GALNT15: variants seen among roughly 807,000 people sequenced by gnomAD.
GALNT15 encodes polypeptide N-acetylgalactosaminyltransferase 15.
GALNT15 carries 67 observed loss-of-function variants against 66.8 expected under a neutral mutation model. The ratio of observed to expected loss-of-function variants is 1.00; its 90% CI spans 0.82 to 1.23. GALNT15 has a LOEUF of 1.23. Among genes scored for constraint, GALNT15 ranks in the 50% most tolerant of loss-of-function variants. The pLI is 0.00. For missense variants in GALNT15, 827 were observed against 804.3 expected (o/e 1.03, Z -0.34); for synonymous variants, 313 against 311.5 (o/e 1.00, Z -0.05).
the GALNT15 span, among the ~76,000 whole-genome samples, chr3:16,240,463 C>T: frequency 6.6e-6 from 1 of 152,140 alleles, no homozygotes; most frequent in Non-Finnish European, 1.5e-5. Flanking sequence ...TATGGACTCC[C>T]TGGTTTCTGG....
Position 16,228,994 on chromosome 3 carries a change from G to A in GALNT15, c.*1494G>A, listed in dbSNP as rs866502545. 13 of 985,282 alleles carry A rather than the reference G, an allele frequency of 1.3e-5. No homozygotes were observed. In the South Asian group the frequency reaches 1.9e-4, roughly 14 times the overall value. 61.0% of individuals were successfully genotyped at this position (985,282 alleles called of 1,614,324 possible). On this transcript the variant is annotated 3_prime_UTR_variant, in exon 10 of 10. Coordinates refer to ENST00000339732, the MANE Select transcript of GALNT15 (RefSeq NM_054110.5). The stretch of plus-strand genomic sequence containing the variant: ...ACCTGAATTAGCTGTAAGAGTTGCC[G>A]AATGGGATGGGTTCTGCTATTTAAT...
At chr3:16,218,118 A>C (rs970571042) in intron 6 of GALNT15, among the ~76,000 whole-genome samples, 1 of 152,228 alleles carries the variant, frequency 6.6e-6, no homozygotes, top group African/African-American at 2.4e-5. Flanking sequence ...GCTCCGTGGC[A>C]TTTCTCAGGC....
chr3:16,234,943 G>T (rs1996219), downstream of GALNT15, among the ~76,000 whole-genome samples: 11,851 of 78,402 alleles, frequency 0.15, 326 homozygotes, highest in Admixed American at 0.17. Flanking sequence ...TTTTTTTTTT[G>T]TTGGAGTCTC....
At position 16,175,100 on chromosome 3, in the gene GALNT15, G is replaced by A. The variant is rs200281914; in HGVS notation, c.-52G>A. The stretch of plus-strand genomic sequence containing the variant: ...CTGCAAGCTTGAAGGAGCCTGGAGC[G>A]GGAGAAAGCTAACTTGAACATGACC... On this transcript the variant is annotated 5_prime_UTR_variant, in exon 1 of 10. Coordinates refer to ENST00000339732, the MANE Select transcript of GALNT15 (RefSeq NM_054110.5). This position sits in a 1 kb window ranked among gnomAD's most constrained non-coding sequence, Gnocchi z 5.6. 417 of 1,543,132 alleles carry A rather than the reference G, an allele frequency of 2.7e-4. 1 individual carries two copies. Among genetic ancestry groups the A allele is most frequent in the Admixed American group, 3.9e-4 (22 of 56,608 alleles).
chr3:16,227,490 A>T lies in GALNT15; in HGVS notation c.1910A>T (p.Asp637Val). The T allele has an allele frequency of 6.2e-7, 1 of 1,614,196 alleles. No homozygotes were observed. Among genetic ancestry groups the T allele is most frequent in the Non-Finnish European group, 8.5e-7 (1 of 1,180,028 alleles). The change falls in exon 10 of 10, where the codon GAT becomes GTT. Residue 637 changes from aspartate to valine, a missense_variant. Physicochemically the swap from Asp to Val is radical, Grantham distance 152. Transcript: ENST00000339732. The surrounding 1 kb of genome is among the most constrained non-coding windows in gnomAD (Gnocchi z 4.5). ...CGTTTTGACCAGATCAATGCTGTGG[A>T]TGAACGATGAATGTCAATGTCAGAA... ...QWRFDQINAV[D>V]ER is the part of the protein sequence containing the mutation.
rs1205040723 is a variant in GALNT15 at position 16,182,065 on chromosome 3, TG to T, written c.539+6380del. Among the ~76,000 whole-genome samples, 1 of 152,148 alleles carries T rather than the reference TG, an allele frequency of 6.6e-6. No homozygotes were observed. Among genetic ancestry groups the T allele is most frequent in the Non-Finnish European group, 1.5e-5 (1 of 68,018 alleles). ...ACTTCAGGACAAACCCAGCTGGCCT[TG>T]GGGGTTAGATTAGATGTGGTTAATC... On this transcript the variant is annotated intron_variant, in intron 1 of 9. Coordinates refer to ENST00000339732, the MANE Select transcript of GALNT15 (RefSeq NM_054110.5). This position sits in a 1 kb window ranked among gnomAD's most constrained non-coding sequence, Gnocchi z 6.1.
chr3:16,199,686 G>GAGA (rs2063678261), intron 2 of GALNT15, among the ~76,000 whole-genome samples: 1 of 97,312 alleles, frequency 1.0e-5, no homozygotes, highest in African/African-American at 3.8e-5. Context: ...GCCATAGCCT[G>GAGA]ATCCCATGGG....
chr3:16,222,684 C>A lies in GALNT15; in HGVS notation c.1699C>A (p.Gln567Lys). 1 of 1,614,230 alleles carries A rather than the reference C, an allele frequency of 6.2e-7. No individual in the cohort carries two copies. The highest frequency in any genetic ancestry group is 8.5e-7 in the Non-Finnish European group (1 of 1,180,042). The change falls in exon 9 of 10, where the codon CAG becomes AAG. Residue 567 changes from glutamine to lysine, a missense_variant. Gln to Lys is a moderately conservative substitution (Grantham distance 53). Transcript: ENST00000339732. ...ACAGCACCTGTGCTTTGCTGTCAGG[C>A]AGGAGCAGGTGATTCTTCAGAACTG... is the stretch of plus-strand genomic sequence containing the variant. ...SPQHLCFAVR[Q>K]EQVILQNCTE...
At chr3:16,248,134 C>T in the GALNT15 span, among the ~76,000 whole-genome samples, 2 of 152,142 alleles carry the variant, frequency 1.3e-5, no homozygotes, top group Admixed American at 6.5e-5. The surrounding 1 kb of genome is among the most constrained non-coding windows in gnomAD (Gnocchi z 4.9). Context: ...TTCACTGCCT[C>T]CCTCCCCCGC....
the GALNT15 span, among the ~76,000 whole-genome samples, chr3:16,248,123 G>A: frequency 1.3e-5 from 2 of 152,140 alleles, no homozygotes; most frequent in Non-Finnish European, 2.9e-5. This position sits in a 1 kb window ranked among gnomAD's most constrained non-coding sequence, Gnocchi z 4.9. Flanking sequence ...TCAAGCTACT[G>A]TTCACTGCCT....
chr3:16,247,586 A>G, the GALNT15 span, among the ~76,000 whole-genome samples: 2 of 152,260 alleles, frequency 1.3e-5, no homozygotes, highest in Non-Finnish European at 2.9e-5. Flanking sequence ...GGAGAAGCAC[A>G]GGCACGCCTG....
In GALNT15 at chr3:16,224,902, G is replaced by A. The variant is rs1332354690; in HGVS notation, c.1773+2144G>A. Among the ~76,000 whole-genome samples, 3 of 152,106 alleles carry A rather than the reference G, an allele frequency of 2.0e-5. No homozygotes were observed. The highest frequency in any genetic ancestry group is 7.2e-5 in the African/African-American group (3 of 41,412). ...TCTGCCTGCCTCGGCCTCCCAAAGT[G>A]CTGGGATTACAAGTGTGAGCCACCA... On this transcript the variant is annotated intron_variant, in intron 9 of 9. Coordinates refer to ENST00000339732, the MANE Select transcript of GALNT15 (RefSeq NM_054110.5). This position sits in a 1 kb window ranked among gnomAD's most constrained non-coding sequence, Gnocchi z 5.2.
chr3:16,232,850 G>T (rs1012066558), downstream of GALNT15, among the ~76,000 whole-genome samples: 1 of 151,664 alleles, frequency 6.6e-6, no homozygotes, highest in African/African-American at 2.4e-5. Context: ...TGATTTGGTA[G>T]GTCTGTGTGG....
In GALNT15 at chr3:16,206,516, T is replaced by C. The variant is rs572535025; in HGVS notation, c.912-1987T>C. Reference sequence around the variant, plus strand: ...GGTGAAAACCCGTGTATACTAAAAATACAAAAATTAGCCGGGCGTTGTGGC... The same window carrying C: ...GGTGAAAACCCGTGTATACTAAAAACACAAAAATTAGCCGGGCGTTGTGGC... On this transcript the variant is annotated intron_variant, in intron 3 of 9. Coordinates refer to ENST00000339732, the MANE Select transcript of GALNT15 (RefSeq NM_054110.5). Among the ~76,000 whole-genome samples the C allele has an allele frequency of 9.4e-5, 14 of 149,638 alleles. No homozygotes were observed. The East Asian group carries it at 1.6e-3, about 17-fold the overall frequency.
chr3:16,175,014 C>T lies in GALNT15; in HGVS notation c.-138C>T. On this transcript the variant is annotated 5_prime_UTR_variant, in exon 1 of 10. Transcript: ENST00000339732. The surrounding 1 kb of genome is among the most constrained non-coding windows in gnomAD (Gnocchi z 5.6). ...TCTTGCACACGCTGTTGGCAAATGTCAGGACCAGGTTAAGTGACTGGCAGA... is the reference window on the plus strand; with the variant it reads ...TCTTGCACACGCTGTTGGCAAATGTTAGGACCAGGTTAAGTGACTGGCAGA... 1 of 727,410 alleles carries T rather than the reference C, an allele frequency of 1.4e-6. No individual in the cohort carries two copies. The highest frequency in any genetic ancestry group is 2.2e-6 in the Non-Finnish European group (1 of 447,160). 45.1% of individuals were successfully genotyped at this position (727,410 alleles called of 1,614,324 possible). A position where few individuals can be genotyped will look rare whatever the true frequency, so the allele number is the denominator to read the frequency against.
At chr3:16,201,329 C>T (rs1421367378) in intron 3 of GALNT15, among the ~76,000 whole-genome samples, 1 of 151,910 alleles carries the variant, frequency 6.6e-6, no homozygotes, top group Non-Finnish European at 1.5e-5. Context: ...CTACAGGCGC[C>T]CGCCACCACA....
rs926828793 is a variant in GALNT15, at chr3:16,175,380, G to T, written c.229G>T (p.Glu77Ter). ...WVLEAEDEGEEYSPLEGLPPF... is the reference protein window; with the variant it reads ...WVLEAEDEGE ...ACTGGAAGCTGAGGATGAGGGTGAA[G>T]AGTACAGCCCTCTGGAGGGCCTGCC... Residue 77 changes from glutamate (E) to a stop codon, truncating the protein, a stop_gained, in exon 1 of 10, where the codon GAG becomes TAG. Coordinates refer to ENST00000339732, the MANE Select transcript of GALNT15 (RefSeq NM_054110.5). LOFTEE classifies it high-confidence loss of function. The surrounding 1 kb of genome is among the most constrained non-coding windows in gnomAD (Gnocchi z 5.6). The T allele has an allele frequency of 6.2e-7, 1 of 1,614,206 alleles. No individual in the cohort carries two copies. The highest frequency in any genetic ancestry group is 8.5e-7 in the Non-Finnish European group (1 of 1,180,030).
Position 16,176,446 on chromosome 3 carries a change from T to C in GALNT15, c.539+756T>C, listed in dbSNP as rs535188357. The stretch of plus-strand genomic sequence containing the variant: ...CTCCATGCCACCTGCCTTGGGCCAC[T>C]AGACTAAGGAAACAGGTCCAGTGCC... On this transcript the variant is annotated intron_variant, in intron 1 of 9. Coordinates refer to ENST00000339732, the MANE Select transcript of GALNT15 (RefSeq NM_054110.5). The surrounding 1 kb of genome is among the most constrained non-coding windows in gnomAD (Gnocchi z 5.6). 1.8e-4 allele frequency among the ~76,000 whole-genome samples: 28 copies of C among 152,334 alleles called. No homozygotes were observed. Among genetic ancestry groups the C allele is most frequent in the South Asian group, 4.1e-4 (2 of 4,830 alleles).
Position 16,175,799 on chromosome 3 carries a change from T to G in GALNT15, c.539+109T>G, listed in dbSNP as rs2063403151. The G allele has an allele frequency of 2.9e-6, 3 of 1,040,330 alleles. No homozygotes were observed. Among genetic ancestry groups the G allele is most frequent in the Non-Finnish European group, 4.1e-6 (3 of 738,066 alleles). 64.4% of individuals were successfully genotyped at this position (1,040,330 alleles called of 1,614,324 possible). On this transcript the variant is annotated intron_variant, in intron 1 of 9. Transcript: ENST00000339732. The surrounding 1 kb of genome is among the most constrained non-coding windows in gnomAD (Gnocchi z 5.6). ...CCTGCCTCTCCTGACTTAGAGCAAGTGCTTTTCAAGATGCAGTACCTGGGC... is the reference window on the plus strand; with the variant it reads ...CCTGCCTCTCCTGACTTAGAGCAAGGGCTTTTCAAGATGCAGTACCTGGGC...
Sources: allele counts gnomAD v4.1 joint callset (sites outside exome capture counted in the v4.1 genomes callset), GRCh38; gene constraint gnomAD v4.1.1; non-coding constraint Gnocchi (gnomAD v3.1); transcripts MANE v1.5; gene names NCBI Gene and HGNC (gene_info 2026-07-23, HGNC 2026-07-21).